Variants in MROH1 observed in about 807,000 individuals in gnomAD.
MROH1 encodes the protein maestro heat-like repeat-containing protein family member 1.
MROH1 carries 117 observed loss-of-function variants against 116.5 expected under a neutral mutation model. The ratio of observed to expected loss-of-function variants is 1.00; its 90% CI spans 0.86 to 1.17. The LOEUF is 1.17. Ranked by LOEUF, MROH1 falls within the 50% of genes most tolerant of loss-of-function variation. The pLI is 0.00. For missense variants in MROH1, 1,873 were observed against 1,338.5 expected, an observed-to-expected ratio of 1.40 and a Z score of -6.23; for synonymous variants, 921 against 583.9, an observed-to-expected ratio of 1.58 and a Z score of -8.32.
At chr8:144,190,715 C>T (rs1828350112) in intron 7 of MROH1, 69 bp from the exon 8 acceptor site, 2 of 1,564,210 alleles carry the variant, frequency 1.3e-6, no homozygotes, top group African/African-American at 2.7e-5. Flanking sequence ...GGGCAGGAGG[C>T]AGACATAGGT....
At chr8:144,196,809 ACAT>A (rs1208399565) in intron 10 of MROH1, among the ~76,000 whole-genome samples, 1 of 151,290 alleles carries the variant, frequency 6.6e-6, no homozygotes, top group Non-Finnish European at 1.5e-5. Context: ...TAAAACAACA[ACAT>A]CTAGGCCGGT....
chr8:144,182,906 G>A lies in MROH1; in HGVS notation c.562+2383G>A, dbSNP rs567312743. On this transcript the variant is annotated intron_variant, in intron 7 of 43. Transcript: ENST00000326134. The surrounding 1 kb of genome is among the most constrained non-coding windows in gnomAD (Gnocchi z 4.1). Reference sequence around the variant, plus strand: ...AGTCTGGCCAACATGGCAAAACCCCGTCTCTACTAAAAATACAAAAAAATT... The same window carrying A: ...AGTCTGGCCAACATGGCAAAACCCCATCTCTACTAAAAATACAAAAAAATT... Among the ~76,000 whole-genome samples the A allele has an allele frequency of 1.2e-4, 18 of 152,250 alleles. No individual in the cohort carries two copies. The South Asian group carries it at 2.9e-3, about 25-fold the overall frequency.
rs115135776 is a variant in MROH1, at chr8:144,181,825, G to A, written c.562+1302G>A. ...TGGGGCGCCTGTCTCTGTGCTGCAC[G>A]CACATCGCCCCTTCCCGCCACTCCT... is the stretch of plus-strand genomic sequence containing the variant. On this transcript the variant is annotated intron_variant, in intron 7 of 43. Coordinates refer to ENST00000326134, the MANE Select transcript of MROH1 (RefSeq NM_032450.3). Among the ~76,000 whole-genome samples the A allele has an allele frequency of 7.6e-3, 1,161 of 152,242 alleles. 12 individuals carry two copies. Among genetic ancestry groups the A allele is most frequent in the African/African-American group, 0.027 (1,110 of 41,538 alleles).
rs981294860 is a variant in MROH1, at chr8:144,200,723, T to A, written c.1141+182T>A. The A allele has an allele frequency of 2.9e-5, 17 of 591,668 alleles. No individual in the cohort carries two copies. The East Asian group carries it at 4.3e-4, about 15-fold the overall frequency. 36.7% of individuals were successfully genotyped at this position (591,668 alleles called of 1,614,324 possible). The stretch of plus-strand genomic sequence containing the variant: ...TGAAAAGTTGCAAGGGTGGTACCTT[T>A]CTACCCTTCGCCATATGATGGTGGC... On this transcript the variant is annotated intron_variant, in intron 12 of 43. Coordinates refer to ENST00000326134, the MANE Select transcript of MROH1 (RefSeq NM_032450.3).
At chr8:144,150,462 A>G (rs1816449048) in intron 1 of MROH1, among the ~76,000 whole-genome samples, 1 of 152,186 alleles carries the variant, frequency 6.6e-6, no homozygotes, top group South Asian at 2.1e-4. Context: ...GATGTGGAAA[A>G]GTGGATGTTT....
intron 12 of MROH1, among the ~76,000 whole-genome samples, chr8:144,216,455 C>T (rs1050710170): frequency 2.0e-5 from 3 of 152,086 alleles, no homozygotes; most frequent in East Asian, 1.9e-4. Flanking sequence ...TCCTGGGCAA[C>T]AGAGCAAGAC....
At chr8:144,172,543 C>T (rs556229712) in intron 4 of MROH1, among the ~76,000 whole-genome samples, 1 of 152,020 alleles carries the variant, frequency 6.6e-6, no homozygotes, top group South Asian at 2.1e-4. Context: ...TCCTGAGTAG[C>T]TGGGATTACA....
intron 1 of MROH1, among the ~76,000 whole-genome samples, chr8:144,156,330 T>C (rs1170574848): frequency 6.6e-6 from 1 of 151,798 alleles, no homozygotes; most frequent in Non-Finnish European, 1.5e-5. Context: ...ATTTTTATCA[T>C]AAGTGGACGT....
At chr8:144,179,745 T>C (rs1221992156) in intron 5 of MROH1, among the ~76,000 whole-genome samples, 159 bp downstream of exon 5, 1 of 152,046 alleles carries the variant, frequency 6.6e-6, no homozygotes, top group African/African-American at 2.4e-5. Flanking sequence ...CCTGCAGGGG[T>C]GGGGGGTGGT....
At chr8:144,254,605 T>C in intron 33 of MROH1, 1 of 572,306 alleles carries the variant, frequency 1.7e-6, no homozygotes, top group Non-Finnish European at 3.1e-6. Flanking sequence ...TCTGTGTCCT[T>C]TATTACCAGC....
rs1554835779 is a variant in MROH1 at position 144,261,355 on chromosome 8, C to T, written c.4840+6C>T. Reference sequence around the variant, plus strand: ...CCTGGACCAGCTCATTGCGGGTGAGCACCCCTCCACGGGGCCCCTCCGCTG... The same window carrying T: ...CCTGGACCAGCTCATTGCGGGTGAGTACCCCTCCACGGGGCCCCTCCGCTG... On this transcript the variant is annotated splice_donor_region_variant and intron_variant, in intron 43 of 43. Transcript: ENST00000326134. The T allele has an allele frequency of 2.7e-5, 19 of 704,070 alleles. No homozygotes were observed. The highest frequency in any genetic ancestry group is 1.3e-4 in the South Asian group (9 of 67,678). The allele number at this position is 704,070 out of a possible 1,614,324, so 43.6% of individuals were successfully genotyped here.
At chr8:144,213,727 T>C (rs1342581703) in intron 12 of MROH1, among the ~76,000 whole-genome samples, 1 of 152,038 alleles carries the variant, frequency 6.6e-6, no homozygotes, top group Non-Finnish European at 1.5e-5. Context: ...AAGCAGAGGT[T>C]GCAGTGAGCC....
At chr8:144,159,970 C>T (rs1349824746) in intron 1 of MROH1, among the ~76,000 whole-genome samples, 3 of 152,036 alleles carry the variant, frequency 2.0e-5, no homozygotes, top group African/African-American at 4.8e-5. Context: ...AGGGTTTCAC[C>T]GTGTTAGCCA....
chr8:144,221,426 T>C (rs1259502697), intron 13 of MROH1, among the ~76,000 whole-genome samples: 1 of 151,994 alleles, frequency 6.6e-6, no homozygotes, highest in East Asian at 1.9e-4. Context: ...AAGTTAGGAC[T>C]GCACCCAGGT....
intron 1 of MROH1, among the ~76,000 whole-genome samples, chr8:144,154,553 T>C (rs1227580248): frequency 6.6e-6 from 1 of 152,146 alleles, no homozygotes. Context: ...GTTAAGCAGA[T>C]ACACTCACTG....
At chr8:144,167,272 T>TG (rs1313122165) in intron 3 of MROH1, among the ~76,000 whole-genome samples, 2 of 53,408 alleles carry the variant, frequency 3.7e-5, no homozygotes, top group African/African-American at 8.6e-5. Flanking sequence ...GGCCGGTTGT[T>TG]GGGTGGAGTG....
intron 12 of MROH1, among the ~76,000 whole-genome samples, chr8:144,220,383 C>T (rs1334396068): frequency 6.6e-6 from 1 of 152,230 alleles, no homozygotes; most frequent in African/African-American, 2.4e-5. Flanking sequence ...ACCGACCGCC[C>T]TAAACTACCA....
chr8:144,195,192 CT>C (rs1010860849), intron 10 of MROH1, among the ~76,000 whole-genome samples: 2 of 1,812 alleles, frequency 1.1e-3, no homozygotes, highest in Admixed American at 7.9e-3. Flanking sequence ...GAGACTGTGT[CT>C]TTAAAAAAAA....
chr8:144,208,453 C>G (rs1357808686), intron 12 of MROH1, among the ~76,000 whole-genome samples: 1 of 149,794 alleles, frequency 6.7e-6, no homozygotes, highest in Non-Finnish European at 1.5e-5. Flanking sequence ...TCTTCATGTG[C>G]ATTTTTCCTG....
Sources: allele counts gnomAD v4.1 joint callset (sites outside exome capture counted in the v4.1 genomes callset), GRCh38; gene constraint gnomAD v4.1.1; non-coding constraint Gnocchi (gnomAD v3.1); transcripts MANE v1.5; gene names NCBI Gene and HGNC (gene_info 2026-07-23, HGNC 2026-07-21).